CCDC18: variants seen among roughly 807,000 people sequenced by gnomAD.
The protein encoded by CCDC18 is coiled-coil domain-containing protein 18.
Under a neutral mutation model 196.0 loss-of-function variants are expected in CCDC18, and 157 were observed. That is an observed-to-expected ratio of 0.80 (90% CI 0.70 to 0.91). The LOEUF (loss-of-function observed/expected upper bound fraction) is 0.91, where lower values mean the gene tolerates loss of function less well. CCDC18 is among the 40% of genes least tolerant of loss of function. CCDC18 has a pLI of 0.00. For synonymous variants in CCDC18, 482 were observed against 529.2 expected, an observed-to-expected ratio of 0.91 and a Z score of 1.22; for missense variants, 1,465 against 1,611.6, an observed-to-expected ratio of 0.91 and a Z score of 1.56.
At chr1:93,236,988 C>G (rs1157942107) in intron 19 of CCDC18, among the ~76,000 whole-genome samples, 1 of 152,196 alleles carries the variant, frequency 6.6e-6, no homozygotes, top group Non-Finnish European at 1.5e-5. Flanking sequence ...AGTACCCAGC[C>G]TCTTCAGATC....
At chr1:93,195,561 G>A (rs1652588982) in intron 6 of CCDC18, among the ~76,000 whole-genome samples, 1 of 152,320 alleles carries the variant, frequency 6.6e-6, no homozygotes. Context: ...ACACTGTTGG[G>A]AGGTGGGGCA....
chr1:93,215,659 T>G (rs946783353), intron 12 of CCDC18, among the ~76,000 whole-genome samples: 2 of 152,112 alleles, frequency 1.3e-5, no homozygotes, highest in African/African-American at 4.8e-5. Flanking sequence ...ACAGTCGCTG[T>G]GTTGCCCAGG....
intron 3 of CCDC18, 48 bp from the exon 4 acceptor site, chr1:93,186,297 C>A: frequency 6.6e-7 from 1 of 1,525,424 alleles, no homozygotes; most frequent in Non-Finnish European, 9.0e-7. Context: ...ACATGTAACC[C>A]TTAATTGAAA....
At chr1:93,228,663 A>T (rs1182581454) in intron 17 of CCDC18, among the ~76,000 whole-genome samples, 3 of 140,508 alleles carry the variant, frequency 2.1e-5, no homozygotes, top group Admixed American at 7.1e-5. Flanking sequence ...TTGGATTTTT[A>T]AAAATAGGAA....
chr1:93,256,956 G>A (rs994750990), intron 25 of CCDC18, among the ~76,000 whole-genome samples: 4 of 151,824 alleles, frequency 2.6e-5, no homozygotes, highest in South Asian at 2.1e-4. Context: ...GGCTTGGCAC[G>A]GTGGCTCATA....
intron 26 of CCDC18, among the ~76,000 whole-genome samples, chr1:93,260,042 C>T (rs1663561263): frequency 6.6e-6 from 1 of 152,104 alleles, no homozygotes; most frequent in African/African-American, 2.4e-5. Context: ...CCTCAAATTC[C>T]AGAGCTCAGA....
intron 6 of CCDC18, among the ~76,000 whole-genome samples, chr1:93,196,669 G>A (rs940880399): frequency 1.3e-5 from 2 of 152,308 alleles, no homozygotes; most frequent in Middle Eastern, 3.4e-3. Context: ...AAGGCTTGAA[G>A]TGTTGAATAA....
chr1:93,251,609 TG>T (rs1342619891), intron 23 of CCDC18, among the ~76,000 whole-genome samples: 1 of 152,158 alleles, frequency 6.6e-6, no homozygotes, highest in Admixed American at 6.5e-5. Flanking sequence ...TACTCCCTCC[TG>T]GTCTGTAAAT....
At chr1:93,224,947 T>C (rs1159863672) in intron 16 of CCDC18, among the ~76,000 whole-genome samples, 1 of 152,226 alleles carries the variant, frequency 6.6e-6, no homozygotes. Context: ...TAATTAGTCA[T>C]TCAGAATTAC....
intron 11 of CCDC18, 46 bp downstream of exon 11, chr1:93,212,307 AT>A (rs1557634489): frequency 1.6e-6 from 2 of 1,268,206 alleles, no homozygotes; most frequent in Non-Finnish European, 2.1e-6. Flanking sequence ...AGAGTTTTGG[AT>A]GATAGTTTTT....
intron 17 of CCDC18, 132 bp from the exon 18 acceptor site, chr1:93,232,294 C>T (rs1659351340): frequency 1.7e-6 from 1 of 575,796 alleles, no homozygotes; most frequent in Non-Finnish European, 3.1e-6. Flanking sequence ...CAATGACAAA[C>T]TATAGACATG....
chr1:93,236,440 A>T, intron 19 of CCDC18, 50 bp downstream of exon 19: 1 of 1,538,066 alleles, frequency 6.5e-7, no homozygotes, highest in East Asian at 2.4e-5. Context: ...TATCAGTGGT[A>T]TCTGAGTTTT....
At chr1:93,231,667 A>G (rs1270138862) in intron 17 of CCDC18, among the ~76,000 whole-genome samples, 3 of 152,212 alleles carry the variant, frequency 2.0e-5, no homozygotes, top group Admixed American at 6.5e-5. Context: ...CTCTTGGATA[A>G]AAGTATCTTA....
chr1:93,223,308 G>C (rs974783795), intron 16 of CCDC18, among the ~76,000 whole-genome samples: 1 of 152,154 alleles, frequency 6.6e-6, no homozygotes, highest in Non-Finnish European at 1.5e-5. Flanking sequence ...CAGGTTTGCT[G>C]TTTGGGGAAA....
intron 26 of CCDC18, among the ~76,000 whole-genome samples, chr1:93,264,394 C>T (rs1455108814): frequency 1.3e-5 from 2 of 152,252 alleles, no homozygotes; most frequent in East Asian, 3.9e-4. Flanking sequence ...TCATCAAATA[C>T]CCAATCATTG....
intron 4 of CCDC18, among the ~76,000 whole-genome samples, chr1:93,187,696 T>C (rs1046015115): frequency 6.6e-6 from 1 of 152,132 alleles, no homozygotes; most frequent in Non-Finnish European, 1.5e-5. Context: ...AAAAACAAAA[T>C]GCAGCAATGA....
chr1:93,183,591 C>A, intron 2 of CCDC18, 96 bp downstream of exon 2: 2 of 841,892 alleles, frequency 2.4e-6, no homozygotes, highest in Admixed American at 3.2e-5. Flanking sequence ...TCTAACCTGC[C>A]TCTGGAATAA....
At chr1:93,196,677 T>G (rs1183526358) in intron 6 of CCDC18, among the ~76,000 whole-genome samples, 1 of 152,224 alleles carries the variant, frequency 6.6e-6, no homozygotes, top group Non-Finnish European at 1.5e-5. Context: ...AAGTGTTGAA[T>G]AAGACAATTA....
At chr1:93,184,464 A>T (rs937247652) in intron 3 of CCDC18, among the ~76,000 whole-genome samples, 4 of 151,918 alleles carry the variant, frequency 2.6e-5, no homozygotes, top group African/African-American at 9.7e-5. Flanking sequence ...TCTTATACAT[A>T]ATAGGTAATC....
Sources: gnomAD v4.1 joint callset for allele counts (sites outside exome capture counted in the v4.1 genomes callset) on GRCh38, gnomAD v4.1.1 for gene constraint, MANE v1.5 for transcripts, NCBI Gene and HGNC (gene_info 2026-07-23, HGNC 2026-07-21) for gene names.